The following PPM1H variants were observed in gnomAD, a reference collection of about 807,000 sequenced individuals.
PPM1H encodes the protein protein phosphatase, Mg2+/Mn2+ dependent 1H.
Under a neutral mutation model 54.9 loss-of-function variants are expected in PPM1H, and 27 were observed. The ratio of observed to expected loss-of-function variants is 0.49; its 90% CI spans 0.36 to 0.68. PPM1H has a LOEUF of 0.68. PPM1H is among the 30% of genes least tolerant of loss of function. The pLI is 0.00. For synonymous variants in PPM1H, 305 were observed against 270.8 expected (o/e 1.13, Z -1.24); for missense variants, 596 against 667.8 (o/e 0.89, Z 1.19).
At chr12:62,742,643 GA>G (rs1186118387) in intron 4 of PPM1H, among the ~76,000 whole-genome samples, 1 of 152,074 alleles carries the variant, frequency 6.6e-6, no homozygotes, top group Non-Finnish European at 1.5e-5. Context: ...GGAAAATTAA[GA>G]AAAAAACAAA....
intron 2 of PPM1H, among the ~76,000 whole-genome samples, chr12:62,804,566 C>T (rs1273335461): frequency 6.6e-6 from 1 of 151,808 alleles, no homozygotes; most frequent in Non-Finnish European, 1.5e-5. Context: ...TCTCTTTTCT[C>T]CTTGGAAGAA....
At chr12:62,651,687 C>T (rs1005254014) in intron 9 of PPM1H, among the ~76,000 whole-genome samples, 1 of 152,176 alleles carries the variant, frequency 6.6e-6, no homozygotes, top group African/African-American at 2.4e-5. Flanking sequence ...AGGTGCTTAA[C>T]TTCCTGAGGG....
intron 6 of PPM1H, among the ~76,000 whole-genome samples, 165 bp from the exon 7 acceptor site, chr12:62,694,164 G>T (rs1453795713): frequency 6.6e-6 from 1 of 152,160 alleles, no homozygotes; most frequent in Non-Finnish European, 1.5e-5. Context: ...AATTGTGTGT[G>T]TGTGTCTTTT....
chr12:62,699,441 G>T (rs888292372), intron 6 of PPM1H, among the ~76,000 whole-genome samples: 1 of 152,036 alleles, frequency 6.6e-6, no homozygotes, highest in African/African-American at 2.4e-5. Context: ...CAGGTCATAC[G>T]CCTGCCTTGG....
chr12:62,763,654 G>A (rs1357822531), intron 4 of PPM1H, among the ~76,000 whole-genome samples: 1 of 152,162 alleles, frequency 6.6e-6, no homozygotes, highest in African/African-American at 2.4e-5. Context: ...AAAACTTATT[G>A]CAGATCATTA....
chr12:62,834,021 G>T (rs73316250), intron 1 of PPM1H, among the ~76,000 whole-genome samples: 1 of 152,080 alleles, frequency 6.6e-6, no homozygotes, highest in Non-Finnish European at 1.5e-5. Flanking sequence ...AAAGGGCTTC[G>T]CTGGTCCTAT....
intron 2 of PPM1H, among the ~76,000 whole-genome samples, chr12:62,822,563 C>A (rs1158805918): frequency 6.6e-6 from 1 of 152,148 alleles, no homozygotes; most frequent in Admixed American, 6.5e-5. Flanking sequence ...ACAATGCAAT[C>A]AAATTAGAAC....
intron 4 of PPM1H, among the ~76,000 whole-genome samples, chr12:62,783,336 C>T (rs745899177): frequency 1.2e-4 from 18 of 152,180 alleles, no homozygotes; most frequent in Admixed American, 6.5e-4. Context: ...TAGGTGAAAA[C>T]TAAGATGCCA....
intron 3 of PPM1H, among the ~76,000 whole-genome samples, chr12:62,790,674 T>C (rs2076697025): frequency 6.6e-6 from 1 of 151,794 alleles, no homozygotes; most frequent in African/African-American, 2.4e-5. Context: ...GGGTAAGAGA[T>C]TGCGGGAGGG....
intron 4 of PPM1H, chr12:62,756,281 G>A (rs910516255): frequency 9.4e-6 from 6 of 640,828 alleles, no homozygotes; most frequent in African/African-American, 9.0e-5. Flanking sequence ...GAAGAGAGAG[G>A]CCCTCACTGC....
intron 8 of PPM1H, among the ~76,000 whole-genome samples, chr12:62,678,751 C>T (rs699563): frequency 0.064 from 9,661 of 151,970 alleles, 365 homozygotes; most frequent in Admixed American, 0.094. Flanking sequence ...AGTGCAATGG[C>T]GTGATCTCAG....
At chr12:62,928,014 C>A (rs1872027698) in intron 1 of PPM1H, among the ~76,000 whole-genome samples, 1 of 152,132 alleles carries the variant, frequency 6.6e-6, no homozygotes, top group Admixed American at 6.5e-5. Flanking sequence ...GGATATGAAT[C>A]CAAGATCTGC....
At chr12:62,689,527 C>T (rs1304336826) in intron 8 of PPM1H, among the ~76,000 whole-genome samples, 172 bp downstream of exon 8, 2 of 152,058 alleles carry the variant, frequency 1.3e-5, no homozygotes. Flanking sequence ...AGGTGTGAAC[C>T]AGAAGAGTCA....
chr12:62,897,879 C>G (rs1165977597), intron 1 of PPM1H, among the ~76,000 whole-genome samples: 1 of 152,030 alleles, frequency 6.6e-6, no homozygotes, highest in African/African-American at 2.4e-5. Context: ...ATGTGGGGAA[C>G]AGAAGGTGTA....
intron 2 of PPM1H, among the ~76,000 whole-genome samples, chr12:62,819,040 C>T (rs1007066728): frequency 6.6e-6 from 1 of 151,620 alleles, no homozygotes; most frequent in Admixed American, 6.6e-5. Flanking sequence ...AGGCTAGTTG[C>T]GAACTCCTGA....
At chr12:62,896,177 C>A (rs937733783) in intron 1 of PPM1H, among the ~76,000 whole-genome samples, 1 of 152,066 alleles carries the variant, frequency 6.6e-6, no homozygotes, top group Non-Finnish European at 1.5e-5. Flanking sequence ...AAAAAAATTG[C>A]CAGTGTTATG....
At chr12:62,797,481 G>A (rs533513330) in intron 3 of PPM1H, among the ~76,000 whole-genome samples, 1 of 152,264 alleles carries the variant, frequency 6.6e-6, no homozygotes, top group South Asian at 2.1e-4. Context: ...ATTAGAGAGT[G>A]GGTGGCTACT....
At chr12:62,656,189 CTG>C (rs949402885) in intron 9 of PPM1H, among the ~76,000 whole-genome samples, 2 of 152,202 alleles carry the variant, frequency 1.3e-5, no homozygotes, top group African/African-American at 4.8e-5. Context: ...GAAAAGGGCT[CTG>C]GGTGTAAGCG....
chr12:62,720,025 G>A (rs997299486), intron 6 of PPM1H, 146 bp downstream of exon 6: 9 of 629,396 alleles, frequency 1.4e-5, no homozygotes, highest in Middle Eastern at 8.8e-4. Flanking sequence ...ACATAGCAGA[G>A]GCAGGTGTAC....
Sources: allele counts gnomAD v4.1 joint callset (sites outside exome capture counted in the v4.1 genomes callset), GRCh38; gene constraint gnomAD v4.1.1; transcripts MANE v1.5; gene names NCBI Gene and HGNC (gene_info 2026-07-23, HGNC 2026-07-21).